Variants in PZP observed in about 807,000 individuals in gnomAD.
PZP encodes PZP alpha-2-macroglobulin like.
In PZP, 150 loss-of-function variants were observed where a neutral mutation model predicts 179.8. That is an observed-to-expected ratio of 0.83 (90% confidence interval 0.73 to 0.96). The LOEUF (loss-of-function observed/expected upper bound fraction) is 0.96, where lower values mean the gene tolerates loss of function less well. Among genes scored for constraint, PZP ranks in the 40% least tolerant of loss-of-function variants. PZP has a pLI of 0.00. For synonymous variants in PZP, 624 were observed against 652.3 expected (o/e 0.96, Z 0.66); for missense variants, 1,689 against 1,764.0 (o/e 0.96, Z 0.76).
At chr12:9,139,518 C>T in the PZP span, among the ~76,000 whole-genome samples, 7 of 152,268 alleles carry the variant, frequency 4.6e-5, no homozygotes, top group Non-Finnish European at 8.8e-5. Context: ...TCCATTATTG[C>T]AAATAGTATT....
chr12:9,185,057 G>A (rs189137757), intron 13 of PZP, among the ~76,000 whole-genome samples: 11 of 152,298 alleles, frequency 7.2e-5, no homozygotes, highest in Admixed American at 5.9e-4. Context: ...CAGTTCTCCA[G>A]CAAGGGTTCT....
Position 9,157,309 on chromosome 12 carries a change from T to G in PZP, c.3416A>C (p.Asn1139Thr). The change falls in exon 28 of 36, where the codon AAT becomes ACT. Residue 1139 changes from asparagine to threonine, a missense_variant. Around this residue, in one of 3 missense-constraint regions of PZP, gnomAD observed 746 missense variants for 749.2 expected, o/e 1.00. Transcript: ENST00000261336. ...CCCATGGGTCCCCTCCTTTGCTACATTCCAGGCTGACTCCAGGCAGAACAG... is the reference window on the plus strand; with the variant it reads ...CCCATGGGTCCCCTCCTTTGCTACAGTCCAGGCTGACTCCAGGCAGAACAG... ...NALFCLESAW[N>T]VAKEGTHGSH... The G allele has an allele frequency of 6.2e-7, 1 of 1,614,098 alleles. No individual in the cohort carries two copies. The highest frequency in any genetic ancestry group is 2.2e-5 in the East Asian group (1 of 44,888).
At chr12:9,204,624 C>A (rs1320433502) in intron 1 of PZP, among the ~76,000 whole-genome samples, 1 of 152,110 alleles carries the variant, frequency 6.6e-6, no homozygotes, top group African/African-American at 2.4e-5. Flanking sequence ...TTTACATGCA[C>A]AACTCCCTGC....
At chr12:9,176,741 C>T (rs1942390791) in intron 15 of PZP, among the ~76,000 whole-genome samples, 1 of 152,200 alleles carries the variant, frequency 6.6e-6, no homozygotes, top group Non-Finnish European at 1.5e-5. Context: ...CGAGTAACTC[C>T]TGAGTGCCTC....
chr12:9,154,637 T>C lies in PZP; in HGVS notation c.3753A>G (p.Gln1251=). 6 of 1,614,186 alleles carry C rather than the reference T, an allele frequency of 3.7e-6. No individual in the cohort carries two copies. The highest frequency in any genetic ancestry group is 5.1e-6 in the Non-Finnish European group (6 of 1,180,032). The change falls in exon 29 of 36, where the codon CAA becomes CAG. Residue 1251 remains glutamine (Q), a synonymous_variant. Transcript: ENST00000261336. The part of the protein sequence containing the change: ...VKWIMKQQNA[Q]GGFSSTQDTV... ...TGACCTGGGTGGAGGAGAAACCACC[T>C]TGGGCGTTCTGCTGCTTCATGATCC...
In PZP at chr12:9,202,358, A is replaced by G. The variant is rs923881038; in HGVS notation, c.441T>C (p.Val147=). Residue 147 remains valine (V), a synonymous_variant, in exon 4 of 36, where the codon GTT becomes GTC. Transcript: ENST00000261336. ...YKPGQTVRFR[V]VSVDENFRPR... is the part of the protein sequence containing the mutation. Reference sequence around the variant, plus strand: ...GGCGAAAATTTTCATCCACGGAGACAACACGGAATCTTACTGGAAAAGTAG... The same window carrying G: ...GGCGAAAATTTTCATCCACGGAGACGACACGGAATCTTACTGGAAAAGTAG... 2 of 1,614,168 alleles carry G rather than the reference A, an allele frequency of 1.2e-6. No individual in the cohort carries two copies. The highest frequency in any genetic ancestry group is 1.7e-6 in the Non-Finnish European group (2 of 1,180,012).
chr12:9,206,078 T>C (rs1944425542), intron 1 of PZP, among the ~76,000 whole-genome samples: 1 of 152,202 alleles, frequency 6.6e-6, no homozygotes, highest in Non-Finnish European at 1.5e-5. Flanking sequence ...AGTAACTCAC[T>C]GATAGTCATT....
At chr12:9,182,239 A>G in intron 13 of PZP, 122 bp from the exon 14 acceptor site, 2 of 922,192 alleles carry the variant, frequency 2.2e-6, no homozygotes, top group Non-Finnish European at 3.0e-6. Flanking sequence ...ATTCATTCTA[A>G]TGGCTTAGTC....
chr12:9,183,156 A>G (rs16918162), intron 13 of PZP, among the ~76,000 whole-genome samples: 16,873 of 152,222 alleles, frequency 0.11, 1,041 homozygotes, highest in African/African-American at 0.17. Context: ...TACCCTTAGG[A>G]ATATTTTACA....
the PZP span, among the ~76,000 whole-genome samples, chr12:9,142,240 G>A: frequency 6.6e-6 from 1 of 152,130 alleles, no homozygotes; most frequent in African/African-American, 2.4e-5. Context: ...CACAAAATTA[G>A]AAGTTAGGGT....
At chr12:9,198,774 GC>G (rs1405821453) in intron 7 of PZP, among the ~76,000 whole-genome samples, 1 of 152,148 alleles carries the variant, frequency 6.6e-6, no homozygotes, top group Non-Finnish European at 1.5e-5. Flanking sequence ...TAGAATCAAA[GC>G]AGCTTATTCT....
In PZP at chr12:9,153,019, C is replaced by T. The variant is rs961394390; in HGVS notation, c.3994-68G>A. Reference sequence around the variant, plus strand: ...GACCCCTCACTTCCTCATTACTTAACGTCTCCAGAGGTGCCTTTTACTTTC... The same window carrying T: ...GACCCCTCACTTCCTCATTACTTAATGTCTCCAGAGGTGCCTTTTACTTTC... On this transcript the variant is annotated intron_variant, in intron 30 of 35. Transcript: ENST00000261336. The T allele has an allele frequency of 7.5e-6, 12 of 1,610,260 alleles. No individual in the cohort carries two copies. The East Asian group carries it at 1.1e-4, about 15-fold the overall frequency.
downstream of PZP, among the ~76,000 whole-genome samples, chr12:9,147,038 G>A (rs1216728971): frequency 6.6e-6 from 1 of 152,216 alleles, no homozygotes; most frequent in Middle Eastern, 3.2e-3. Flanking sequence ...CTTCCAAGGT[G>A]GGGCTAGACT....
At chr12:9,164,344 C>A in intron 19 of PZP, 85 bp from the exon 20 acceptor site, 1 of 1,424,030 alleles carries the variant, frequency 7.0e-7, no homozygotes, top group Non-Finnish European at 9.6e-7. Context: ...GTGTGAGATG[C>A]TGCAGTAAAT....
intron 19 of PZP, 46 bp from the exon 20 acceptor site, chr12:9,164,305 A>G (rs536300046): frequency 6.3e-7 from 1 of 1,584,444 alleles, no homozygotes; most frequent in Non-Finnish European, 8.6e-7. Context: ...AGAATATGGA[A>G]CGACACGAAC....
chr12:9,147,618 CA>C (rs748206831), downstream of PZP, among the ~76,000 whole-genome samples: 36 of 152,204 alleles, frequency 2.4e-4, no homozygotes, highest in African/African-American at 3.9e-4. Flanking sequence ...ATGTGTGGGA[CA>C]GGGGGGAAGC....
At chr12:9,146,648 G>T (rs1056995590), downstream of PZP, among the ~76,000 whole-genome samples, 1 of 152,082 alleles carries the variant, frequency 6.6e-6, no homozygotes, top group African/African-American at 2.4e-5. Flanking sequence ...TTGTATAGGA[G>T]AAGGTTCCTA....
intron 17 of PZP, among the ~76,000 whole-genome samples, chr12:9,166,774 T>G (rs1351878702): frequency 6.6e-6 from 1 of 152,218 alleles, no homozygotes; most frequent in East Asian, 1.9e-4. Flanking sequence ...ACAATTCAGT[T>G]GTCAAAAACA....
rs754772733 is a variant in PZP at position 9,153,187 on chromosome 12, A to G, written c.3931T>C (p.Leu1311=). ...ACATATTCTCCAGGGAGCTCTGGCA[A>G]TGAGATCTGCTGCAGTAATAGGAGG... ...NNLLLLQQIS[L]PELPGEYVIT... is the part of the protein sequence containing the mutation. Residue 1311 remains leucine, a synonymous_variant, in exon 30 of 36, where the codon TTG becomes CTG. Transcript: ENST00000261336. 2 of 1,614,172 alleles carry G rather than the reference A, an allele frequency of 1.2e-6. No individual in the cohort carries two copies. The highest frequency in any genetic ancestry group is 1.7e-6 in the Non-Finnish European group (2 of 1,180,008).
Sources: gnomAD v4.1 joint callset for allele counts (sites outside exome capture counted in the v4.1 genomes callset) on GRCh38, gnomAD v4.1.1 for gene constraint, gnomAD v4.1.1 regional missense constraint, MANE v1.5 for transcripts, NCBI Gene and HGNC (gene_info 2026-07-23, HGNC 2026-07-21) for gene names.